TM7SF3: variants seen among roughly 807,000 people sequenced by gnomAD.
TM7SF3 encodes seven span transmembrane protein.
Under a neutral mutation model 65.5 loss-of-function variants are expected in TM7SF3, and 60 were observed. The ratio of observed to expected loss-of-function variants is 0.92; its 90% CI spans 0.74 to 1.14. TM7SF3 has a LOEUF of 1.14. Ranked by LOEUF, TM7SF3 falls within the 50% of genes most tolerant of loss-of-function variation. The probability of loss-of-function intolerance (pLI) is 0.00; values close to 1 mark genes in which losing one functional copy is unlikely to be tolerated. For synonymous variants in TM7SF3, 264 were observed against 259.6 expected, an observed-to-expected ratio of 1.02 and a Z score of -0.16; for missense variants, 623 against 684.8, an observed-to-expected ratio of 0.91 and a Z score of 1.01.
intron 6 of TM7SF3, among the ~76,000 whole-genome samples, chr12:26,985,268 G>A (rs888799889): frequency 1.3e-5 from 2 of 152,168 alleles, no homozygotes; most frequent in East Asian, 1.9e-4. Context: ...AGGCTGAGGC[G>A]GGTGGATCAC....
In TM7SF3 at chr12:26,972,702, G is replaced by C. The variant is rs763941616; in HGVS notation, c.*1263C>G. 7.9e-5 allele frequency among the ~76,000 whole-genome samples: 12 copies of C among 151,972 alleles called. No individual in the cohort carries two copies. In the East Asian group the frequency reaches 1.2e-3, roughly 15 times the overall value. On this transcript the variant is annotated 3_prime_UTR_variant, in exon 12 of 12. Coordinates refer to ENST00000343028, the MANE Select transcript of TM7SF3 (RefSeq NM_016551.3). ...TGACCCCAGGTGATCCACCCGCCTCGACCTCCCAAAATGCTGGGATTACAG... is the reference window on the plus strand; with the variant it reads ...TGACCCCAGGTGATCCACCCGCCTCCACCTCCCAAAATGCTGGGATTACAG...
At chr12:26,989,486 G>A (rs1043345978) in intron 6 of TM7SF3, among the ~76,000 whole-genome samples, 9 of 151,244 alleles carry the variant, frequency 6.0e-5, no homozygotes, top group African/African-American at 1.7e-4. Flanking sequence ...CACAGGAGTC[G>A]GCTCCCCCAC....
At chr12:27,011,119 C>T (rs957970357) in intron 1 of TM7SF3, among the ~76,000 whole-genome samples, 1 of 152,174 alleles carries the variant, frequency 6.6e-6, no homozygotes, top group African/African-American at 2.4e-5. Context: ...TTGTTATCTT[C>T]TTACAAATGT....
At chr12:26,988,035 AAAGTC>A (rs1940175013) in intron 6 of TM7SF3, among the ~76,000 whole-genome samples, 2 of 152,152 alleles carry the variant, frequency 1.3e-5, no homozygotes, top group African/African-American at 4.8e-5. Context: ...ACTTCTCAAA[AAAGTC>A]AAGGTCTTAA....
chr12:26,975,234 C>T (rs1343418864), intron 11 of TM7SF3, among the ~76,000 whole-genome samples: 2 of 152,176 alleles, frequency 1.3e-5, no homozygotes, highest in African/African-American at 2.4e-5. Flanking sequence ...CTGAGAATGA[C>T]CAGGTAAACC....
intron 2 of TM7SF3, among the ~76,000 whole-genome samples, chr12:27,002,166 T>C (rs1013359832): frequency 6.6e-6 from 1 of 152,114 alleles, no homozygotes; most frequent in Non-Finnish European, 1.5e-5. Context: ...CCAATGCCTC[T>C]AATATTATAT....
intron 6 of TM7SF3, among the ~76,000 whole-genome samples, chr12:26,987,669 C>T (rs1362166645): frequency 6.6e-6 from 1 of 152,126 alleles, no homozygotes; most frequent in Non-Finnish European, 1.5e-5. Flanking sequence ...ATTAGAGAAA[C>T]ACCATTTGGC....
intron 1 of TM7SF3, among the ~76,000 whole-genome samples, chr12:27,010,751 C>CT (rs987957454): frequency 1.3e-5 from 2 of 152,126 alleles, no homozygotes; most frequent in Non-Finnish European, 2.9e-5. Context: ...AAAGAAATGG[C>CT]TTTTTTTGCC....
In TM7SF3 at chr12:26,984,375, G is replaced by A. The variant is rs534450331; in HGVS notation, c.869-1516C>T. Among the ~76,000 whole-genome samples, 59 of 151,596 alleles carry A rather than the reference G, an allele frequency of 3.9e-4. 1 individual carries two copies. In the South Asian group the frequency reaches 7.9e-3, roughly 20 times the overall value. ...ACCCAGGAAGCAGAGGTTGCAGTGA[G>A]CCAAGGATCAGGCCATTGCACTCCA... On this transcript the variant is annotated intron_variant, in intron 6 of 11. Coordinates refer to ENST00000343028, the MANE Select transcript of TM7SF3 (RefSeq NM_016551.3).
chr12:27,004,767 T>A (rs573281920), intron 1 of TM7SF3, among the ~76,000 whole-genome samples: 30 of 152,242 alleles, frequency 2.0e-4, no homozygotes, highest in South Asian at 1.5e-3. Context: ...AATGTTTTTT[T>A]AAAAAAATGA....
intron 1 of TM7SF3, chr12:27,012,592 G>A: frequency 2.2e-6 from 1 of 455,988 alleles, no homozygotes. Context: ...GGCACAACTA[G>A]TGCCTTTTAC....
At chr12:26,991,315 G>A (rs956133209) in intron 5 of TM7SF3, among the ~76,000 whole-genome samples, 1 of 151,070 alleles carries the variant, frequency 6.6e-6, no homozygotes, top group Non-Finnish European at 1.5e-5. Flanking sequence ...ACCGCGCCCG[G>A]CTAATTTTTT....
chr12:26,984,817 T>G (rs1565871301), intron 6 of TM7SF3, among the ~76,000 whole-genome samples: 1 of 152,158 alleles, frequency 6.6e-6, no homozygotes, highest in Non-Finnish European at 1.5e-5. Flanking sequence ...AAAACAGGCA[T>G]TCACTCTGGG....
rs1941351423 is a variant in TM7SF3 at position 27,014,130 on chromosome 12, T to G, written c.39A>C (p.Ala13=). The change falls in exon 1 of 12, where the codon GCA becomes GCC. Residue 13 remains alanine (A), a synonymous_variant. Coordinates refer to ENST00000343028, the MANE Select transcript of TM7SF3 (RefSeq NM_016551.3). ...CTGCACCAGCCACCCGGTGTTCGGA[T>G]GCCAGCACCGCTACGACCAGCAGCT... The part of the protein sequence containing the change: ...FLQLLVVAVL[A]SEHRVAGAAE... 6.4e-7 allele frequency: 1 copy of G among 1,570,614 alleles called. No homozygotes were observed. Among genetic ancestry groups the G allele is most frequent in the Non-Finnish European group, 8.6e-7 (1 of 1,157,882 alleles).
intron 2 of TM7SF3, among the ~76,000 whole-genome samples, chr12:27,000,721 A>G (rs947278215): frequency 7.9e-5 from 12 of 152,126 alleles, no homozygotes; most frequent in Admixed American, 2.6e-4. Flanking sequence ...AGCCTCCCAA[A>G]GTGCTGGGAT....
intron 6 of TM7SF3, among the ~76,000 whole-genome samples, chr12:26,990,207 C>T (rs1022929410): frequency 1.3e-5 from 2 of 152,192 alleles, no homozygotes; most frequent in Non-Finnish European, 2.9e-5. Context: ...TTAGCACTCA[C>T]CATTTTCTCA....
intron 6 of TM7SF3, among the ~76,000 whole-genome samples, chr12:26,989,327 C>T (rs1053952326): frequency 3.4e-4 from 51 of 152,148 alleles, no homozygotes; most frequent in Admixed American, 2.7e-3. Context: ...ATCCCAGCTA[C>T]TCAGGAGGCT....
rs1939389085 is a variant in TM7SF3, at chr12:26,972,189, G to C, written c.*1776C>G. 1 of 152,138 alleles carries C rather than the reference G, an allele frequency of 6.6e-6. No homozygotes were observed. Among genetic ancestry groups the C allele is most frequent in the South Asian group, 2.1e-4 (1 of 4,826 alleles). 9.4% of individuals were successfully genotyped at this position (152,138 alleles called of 1,614,324 possible). A position where few individuals can be genotyped will look rare whatever the true frequency, so the allele number is the denominator to read the frequency against. ...GGTGCTTTCTTGTGGTGAAACAAGG[G>C]TGTCAAAACTGAGGGGACTCTCCAA... On this transcript the variant is annotated 3_prime_UTR_variant, in exon 12 of 12. Coordinates refer to ENST00000343028, the MANE Select transcript of TM7SF3 (RefSeq NM_016551.3).
At chr12:26,994,723 C>T (rs1319771464) in intron 5 of TM7SF3, among the ~76,000 whole-genome samples, 1 of 152,208 alleles carries the variant, frequency 6.6e-6, no homozygotes, top group Non-Finnish European at 1.5e-5. Context: ...ACAATTCTCA[C>T]AAACTCCCCA....
Sources: gnomAD v4.1 joint callset for allele counts (sites outside exome capture counted in the v4.1 genomes callset) on GRCh38, gnomAD v4.1.1 for gene constraint, MANE v1.5 for transcripts, NCBI Gene and HGNC (gene_info 2026-07-23, HGNC 2026-07-21) for gene names.